The following SEMA3D variants were observed in gnomAD, a reference collection of about 807,000 sequenced individuals.
SEMA3D encodes the protein semaphorin-3D.
In SEMA3D, 84 loss-of-function variants were observed where a neutral mutation model predicts 100.1. The ratio of observed to expected loss-of-function variants is 0.84; its 90% confidence interval spans 0.70 to 1.01. The LOEUF (loss-of-function observed/expected upper bound fraction) is 1.01, where lower values mean the gene tolerates loss of function less well. Among genes scored for constraint, SEMA3D ranks in the 50% least tolerant of loss-of-function variants. SEMA3D has a pLI of 0.00. For missense variants in SEMA3D, 875 were observed against 934.1 expected, an observed-to-expected ratio of 0.94 and a Z score of 0.82; for synonymous variants, 312 against 320.7, an observed-to-expected ratio of 0.97 and a Z score of 0.29.
At chr7:85,101,994 G>A (rs899440132) in intron 3 of SEMA3D, among the ~76,000 whole-genome samples, 1 of 151,972 alleles carries the variant, frequency 6.6e-6, no homozygotes, top group Admixed American at 6.6e-5. Context: ...CATTTAGTGT[G>A]TATTAAGTGT....
At chr7:85,029,135 T>C (rs1562789006) in intron 12 of SEMA3D, 5 of 624,528 alleles carry the variant, frequency 8.0e-6, no homozygotes, top group African/African-American at 1.8e-5. Context: ...AAGCCTAGCA[T>C]GTCATTGCCA....
intron 1 of SEMA3D, among the ~76,000 whole-genome samples, chr7:85,174,958 C>T (rs1401616930): frequency 2.0e-5 from 3 of 152,052 alleles, no homozygotes; most frequent in African/African-American, 7.2e-5. Flanking sequence ...CATCCTAATA[C>T]ACTATCAAAG....
chr7:85,046,308 C>A (rs893324542), intron 9 of SEMA3D, among the ~76,000 whole-genome samples: 2 of 151,834 alleles, frequency 1.3e-5, no homozygotes, highest in African/African-American at 4.8e-5. Flanking sequence ...TTTAAGGTAA[C>A]CATGAGAACA....
chr7:85,091,539 T>G (rs1788394712), intron 4 of SEMA3D, among the ~76,000 whole-genome samples: 1 of 151,820 alleles, frequency 6.6e-6, no homozygotes, highest in African/African-American at 2.4e-5. Context: ...AGGGGAAGAC[T>G]TTCAGCTTGT....
At chr7:85,038,218 CTT>C in intron 11 of SEMA3D, among the ~76,000 whole-genome samples, 1 of 152,140 alleles carries the variant, frequency 6.6e-6, no homozygotes, top group Non-Finnish European at 1.5e-5. Flanking sequence ...ATAATAATAA[CTT>C]AGCATTAACA....
chr7:85,132,927 AG>A (rs1789766807), intron 2 of SEMA3D, among the ~76,000 whole-genome samples: 1 of 151,930 alleles, frequency 6.6e-6, no homozygotes, highest in South Asian at 2.1e-4. Context: ...CGTATAAGGG[AG>A]TAGTTCCTGG....
the SEMA3D span, among the ~76,000 whole-genome samples, chr7:85,214,556 G>A: frequency 6.6e-6 from 1 of 152,082 alleles, no homozygotes; most frequent in Non-Finnish European, 1.5e-5. Flanking sequence ...GAGTGCAATG[G>A]TGTGATCTCG....
the SEMA3D span, among the ~76,000 whole-genome samples, chr7:85,209,796 C>A: frequency 6.6e-6 from 1 of 152,076 alleles, no homozygotes; most frequent in Admixed American, 6.6e-5. Flanking sequence ...ACTTTATGTG[C>A]AACATGTGTG....
At chr7:85,171,148 C>A (rs890614395) in intron 1 of SEMA3D, among the ~76,000 whole-genome samples, 3 of 152,134 alleles carry the variant, frequency 2.0e-5, no homozygotes, top group African/African-American at 7.2e-5. Context: ...AAAGTCACAA[C>A]CAGTAGGAGA....
the SEMA3D span, among the ~76,000 whole-genome samples, chr7:85,219,161 C>A: frequency 2.6e-5 from 4 of 152,044 alleles, no homozygotes; most frequent in South Asian, 2.1e-4. Context: ...GGGTGAAGAA[C>A]CCTAGGTGAA....
intron 1 of SEMA3D, among the ~76,000 whole-genome samples, chr7:85,165,302 A>G (rs1790874196): frequency 6.6e-6 from 1 of 152,036 alleles, no homozygotes; most frequent in South Asian, 2.1e-4. Flanking sequence ...CTAGAGTGAG[A>G]TGGATAGGAG....
chr7:85,008,092 T>A (rs1372762202), intron 17 of SEMA3D, among the ~76,000 whole-genome samples: 3 of 151,804 alleles, frequency 2.0e-5, no homozygotes, highest in Non-Finnish European at 4.4e-5. Flanking sequence ...TTTTTACAGT[T>A]AATAAATTCC....
At chr7:85,137,445 A>G (rs569897745) in intron 2 of SEMA3D, among the ~76,000 whole-genome samples, 1 of 152,132 alleles carries the variant, frequency 6.6e-6, no homozygotes, top group South Asian at 2.1e-4. Context: ...GGGATATGGC[A>G]AGGGAATATC....
the SEMA3D span, among the ~76,000 whole-genome samples, chr7:85,232,887 G>A: frequency 1.3e-5 from 2 of 152,124 alleles, no homozygotes; most frequent in Admixed American, 6.5e-5. Context: ...AACTTCATGC[G>A]TTTATATGCC....
chr7:85,233,496 A>G, the SEMA3D span, among the ~76,000 whole-genome samples: 1 of 152,242 alleles, frequency 6.6e-6, no homozygotes, highest in African/African-American at 2.4e-5. Context: ...AGATAATCTC[A>G]TGAGAAAGCA....
chr7:85,067,378 C>G (rs1791657703), intron 7 of SEMA3D, among the ~76,000 whole-genome samples: 2 of 152,062 alleles, frequency 1.3e-5, no homozygotes, highest in Non-Finnish European at 2.9e-5. Context: ...AATGACTGAT[C>G]ATTAGTCACA....
the SEMA3D span, among the ~76,000 whole-genome samples, chr7:85,209,245 T>C: frequency 6.6e-6 from 1 of 152,112 alleles, no homozygotes; most frequent in East Asian, 1.9e-4. Context: ...TTTTCAAATA[T>C]ATATACATAT....
chr7:85,188,528 T>A (rs1209400520), upstream of SEMA3D, among the ~76,000 whole-genome samples: 1 of 152,258 alleles, frequency 6.6e-6, no homozygotes, highest in Non-Finnish European at 1.5e-5. Flanking sequence ...CATTTGTATA[T>A]GTCATTGCAC....
At chr7:85,236,285 ATTTATTTATTT>A in the SEMA3D span, among the ~76,000 whole-genome samples, 22 of 113,068 alleles carry the variant, frequency 1.9e-4, no homozygotes, top group Non-Finnish European at 4.0e-4. Flanking sequence ...ATTTTATTTT[ATTTATTTATTT>A]ATTTATTTAT....
Sources: allele counts gnomAD v4.1 joint callset (sites outside exome capture counted in the v4.1 genomes callset), GRCh38; gene constraint gnomAD v4.1.1; transcripts MANE v1.5; gene names NCBI Gene and HGNC (gene_info 2026-07-23, HGNC 2026-07-21).